DAB2IP: variants seen among roughly 807,000 people sequenced by gnomAD.
DAB2IP encodes disabled homolog 2-interacting protein.
DAB2IP carries 28 observed loss-of-function variants against 107.2 expected under a neutral mutation model. The observed-to-expected ratio is 0.26, with a 90% CI of 0.19 to 0.36. The LOEUF (loss-of-function observed/expected upper bound fraction) is 0.36. DAB2IP is among the 10% of genes least tolerant of loss of function. The pLI, the probability that DAB2IP is intolerant of heterozygous loss-of-function variation, is 1.00. For missense variants in DAB2IP, 1,400 were observed against 1,644.7 expected (o/e 0.85, Z 2.57); for synonymous variants, 755 against 706.4 (o/e 1.07, Z -1.09).
Position 121,699,279 on chromosome 9 carries a change from G to T in DAB2IP, c.229-46G>T. On this transcript the variant is annotated intron_variant, in intron 2 of 15. Coordinates refer to ENST00000408936, the Ensembl canonical transcript of DAB2IP. This position sits in a 1 kb window ranked among gnomAD's most constrained non-coding sequence, Gnocchi z 6.2. ...GCGCGGGTCCCGGCCCGCCGCCGCC[G>T]CGCTAACCCCGCCTCCCCTTCCCCC... 7.8e-7 allele frequency: 1 copy of T among 1,279,872 alleles called. No individual in the cohort carries two copies. 79.3% of individuals were successfully genotyped at this position (1,279,872 alleles called of 1,614,324 possible).
chr9:121,676,590 G>A (rs983231989), intron 1 of DAB2IP, among the ~76,000 whole-genome samples: 4 of 151,912 alleles, frequency 2.6e-5, no homozygotes, highest in Non-Finnish European at 5.9e-5. Flanking sequence ...CTGGGGAGGT[G>A]GAGATGCAAC....
At chr9:121,773,143 T>G (rs1250001238) in exon 12 of DAB2IP, 1 of 1,610,494 alleles carries the variant, frequency 6.2e-7, no homozygotes. Context: ...GCTGCCAAGC[T>G]GGGAAGTTTC....
intron 3 of DAB2IP, among the ~76,000 whole-genome samples, chr9:121,734,354 G>C (rs563103175): frequency 7.1e-6 from 1 of 140,016 alleles, no homozygotes; most frequent in East Asian, 2.0e-4. Context: ...TCCGCAGTCC[G>C]GCCTGGGCAA....
intron 1 of DAB2IP, among the ~76,000 whole-genome samples, chr9:121,610,219 A>C (rs917068422): frequency 3.3e-5 from 5 of 152,146 alleles, no homozygotes; most frequent in Non-Finnish European, 7.4e-5. Context: ...GTTAGGAAGG[A>C]GCTTGGACCA....
chr9:121,605,754 C>T (rs1055981435), intron 1 of DAB2IP, among the ~76,000 whole-genome samples: 1 of 152,206 alleles, frequency 6.6e-6, no homozygotes, highest in African/African-American at 2.4e-5. Context: ...AATCCTCCCA[C>T]CTTGGCCTCC....
intron 2 of DAB2IP, among the ~76,000 whole-genome samples, chr9:121,691,206 A>G (rs1407471870): frequency 6.6e-6 from 1 of 152,216 alleles, no homozygotes; most frequent in Non-Finnish European, 1.5e-5. Flanking sequence ...CCAGGTTGCC[A>G]TGGCCCCTGC....
intron 3 of DAB2IP, among the ~76,000 whole-genome samples, chr9:121,717,368 C>A (rs1830663608): frequency 6.6e-6 from 1 of 152,216 alleles, no homozygotes; most frequent in Admixed American, 6.5e-5. Context: ...ATTGTACTAG[C>A]AGAAGCACGT....
In DAB2IP at chr9:121,635,062, G is replaced by A. The variant is rs1296661862; in HGVS notation, c.41-43616G>A. On this transcript the variant is annotated intron_variant, in intron 1 of 16. Coordinates refer to the DAB2IP transcript ENST00000259371. This position sits in a 1 kb window ranked among gnomAD's most constrained non-coding sequence, Gnocchi z 4.3. The stretch of plus-strand genomic sequence containing the variant: ...CGTGTGTATGTGTGTGTGCATGTGC[G>A]TGTATGTCTATGTGCGAAGGGGAAG... 2.0e-5 allele frequency among the ~76,000 whole-genome samples: 3 copies of A among 152,178 alleles called. No individual in the cohort carries two copies. Among genetic ancestry groups the A allele is most frequent in the African/African-American group, 7.2e-5 (3 of 41,430 alleles).
At chr9:121,568,276 G>A (rs536817411) in intron 1 of DAB2IP, among the ~76,000 whole-genome samples, 3 of 152,308 alleles carry the variant, frequency 2.0e-5, no homozygotes, top group South Asian at 4.1e-4. Context: ...AAGGAGAGGG[G>A]CCCTTTGCCA....
At chr9:121,773,555 C>T (rs2119014472) in intron 12 of DAB2IP, 60 bp downstream of exon 12, 2 of 1,388,002 alleles carry the variant, frequency 1.4e-6, no homozygotes, top group South Asian at 3.8e-5. Context: ...GGCTGTCATA[C>T]CCCATACCAT....
At chr9:121,711,244 G>C (rs1440682922) in intron 3 of DAB2IP, among the ~76,000 whole-genome samples, 2 of 152,210 alleles carry the variant, frequency 1.3e-5, no homozygotes, top group Non-Finnish European at 2.9e-5. Context: ...CGTTTGCGAT[G>C]AGAGAATTCC....
rs540117036 is a variant in DAB2IP, at chr9:121,570,074, G to A, written c.40+2846G>A. The stretch of plus-strand genomic sequence containing the variant: ...GGTCCCAAGTGTTGGGATTCTAGGC[G>A]TGAGCCACAGCAGTCAGCCCTTTTC... On this transcript the variant is annotated intron_variant, in intron 1 of 16. Coordinates refer to the DAB2IP transcript ENST00000259371. 4.6e-5 allele frequency among the ~76,000 whole-genome samples: 7 copies of A among 151,154 alleles called. 1 individual carries two copies. The highest frequency in any genetic ancestry group is 3.3e-4 in the Admixed American group (5 of 15,180).
At position 121,701,984 on chromosome 9, in the gene DAB2IP, G is replaced by C. The variant is rs558945193; in HGVS notation, c.362+2526G>C. Among the ~76,000 whole-genome samples, 337 of 152,316 alleles carry C rather than the reference G, an allele frequency of 2.2e-3. 1 individual carries two copies. The highest frequency in any genetic ancestry group is 3.5e-3 in the Non-Finnish European group (237 of 68,028). On this transcript the variant is annotated intron_variant, in intron 3 of 15. Coordinates refer to ENST00000408936, the Ensembl canonical transcript of DAB2IP. The surrounding 1 kb of genome is among the most constrained non-coding windows in gnomAD (Gnocchi z 4.7). ...AGTGCCAAGACGCTAGCCTCAGTGA[G>C]TGGGTGGGACACGAGTGGGAAGGAC...
chr9:121,721,420 A>G (rs144477866), intron 3 of DAB2IP, among the ~76,000 whole-genome samples: 1 of 152,328 alleles, frequency 6.6e-6, no homozygotes, highest in African/African-American at 2.4e-5. Flanking sequence ...GCTGTGTGCC[A>G]GGCACTGAGT....
rs572338959 is a variant in DAB2IP, at chr9:121,634,802, C to T, written c.41-43876C>T. Reference sequence around the variant, plus strand: ...GCAGTGGACAGCCCCATTGGTCCTGCCCCCACCCCAGCCACCACCTGTGGC... The same window carrying T: ...GCAGTGGACAGCCCCATTGGTCCTGTCCCCACCCCAGCCACCACCTGTGGC... On this transcript the variant is annotated intron_variant, in intron 1 of 16. Coordinates refer to the DAB2IP transcript ENST00000259371. This position sits in a 1 kb window ranked among gnomAD's most constrained non-coding sequence, Gnocchi z 4.7. 6.6e-6 allele frequency among the ~76,000 whole-genome samples: 1 copy of T among 152,256 alleles called. No homozygotes were observed. Among genetic ancestry groups the T allele is most frequent in the East Asian group, 1.9e-4 (1 of 5,176 alleles).
At position 121,736,144 on chromosome 9, in the gene DAB2IP, T is replaced by C. The variant is rs1415341836; in HGVS notation, c.363-20869T>C. ...ATCATGGTAGACAAACCCCTGGCCT[T>C]GTCTGGACCTCAGTTGTGTTCACTT... On this transcript the variant is annotated intron_variant, in intron 3 of 15. Transcript: ENST00000408936. This position sits in a 1 kb window ranked among gnomAD's most constrained non-coding sequence, Gnocchi z 4.6. 1.3e-5 allele frequency among the ~76,000 whole-genome samples: 2 copies of C among 152,218 alleles called. No individual in the cohort carries two copies. Among genetic ancestry groups the C allele is most frequent in the African/African-American group, 4.8e-5 (2 of 41,466 alleles).
chr9:121,607,520 G>A (rs917444623), intron 1 of DAB2IP, among the ~76,000 whole-genome samples: 7 of 151,852 alleles, frequency 4.6e-5, no homozygotes, highest in South Asian at 4.2e-4. Flanking sequence ...CCAGGCTGGC[G>A]AACTCCTGGC....
exon 10 of DAB2IP, chr9:121,768,447 G>C: frequency 6.2e-7 from 1 of 1,614,216 alleles, no homozygotes; most frequent in Non-Finnish European, 8.5e-7. Flanking sequence ...GCAGCAAGGA[G>C]GAATACATGT....
intron 3 of DAB2IP, among the ~76,000 whole-genome samples, chr9:121,722,202 G>A (rs767187638): frequency 1.1e-4 from 16 of 152,202 alleles, no homozygotes; most frequent in Non-Finnish European, 1.9e-4. Context: ...GACCTCCCCT[G>A]CCATTTGCAT....
Sources: allele counts gnomAD v4.1 joint callset (sites outside exome capture counted in the v4.1 genomes callset), GRCh38; gene constraint gnomAD v4.1.1; non-coding constraint Gnocchi (gnomAD v3.1); transcripts MANE v1.5; gene names NCBI Gene and HGNC (gene_info 2026-07-23, HGNC 2026-07-21).